Variants in TAFA1 observed in about 807,000 individuals in gnomAD.
The protein encoded by TAFA1 is chemokine-like protein TAFA-1.
In TAFA1, 4 loss-of-function variants were observed where a neutral mutation model predicts 18.5. The ratio of observed to expected loss-of-function variants is 0.22; its 90% CI spans 0.11 to 0.49. The LOEUF (loss-of-function observed/expected upper bound fraction) is 0.49. Ranked by LOEUF, TAFA1 falls within the 20% of genes least tolerant of loss-of-function variation. The pLI, the probability that TAFA1 is intolerant of heterozygous loss-of-function variation, is 0.98. For synonymous variants in TAFA1, 56 were observed against 55.2 expected (o/e 1.01, Z -0.06); for missense variants, 147 against 169.0 (o/e 0.87, Z 0.72).
chr3:68,174,949 G>A (rs1348532165), intron 2 of TAFA1, among the ~76,000 whole-genome samples: 1 of 152,210 alleles, frequency 6.6e-6, no homozygotes, highest in East Asian at 1.9e-4. Flanking sequence ...GCTGTGTGCA[G>A]CCTAGGGACT....
intron 2 of TAFA1, among the ~76,000 whole-genome samples, chr3:68,013,067 G>T (rs1471735314): frequency 6.6e-6 from 1 of 151,888 alleles, no homozygotes; most frequent in East Asian, 1.9e-4. Context: ...CAGATTACAT[G>T]CATTGAGAAG....
In TAFA1 at chr3:68,415,771, T is replaced by C. The variant is rs528109831; in HGVS notation, c.119-1509T>C. 8.1e-4 allele frequency among the ~76,000 whole-genome samples: 124 copies of C among 152,246 alleles called. 1 individual carries two copies. The highest frequency in any genetic ancestry group is 7.1e-3 in the South Asian group (34 of 4,822). ...ACACAACCCTGTGATACAGGTGTTATTATTATTCCCATTTTACAGATGAGG... is the reference window on the plus strand; with the variant it reads ...ACACAACCCTGTGATACAGGTGTTACTATTATTCCCATTTTACAGATGAGG... On this transcript the variant is annotated intron_variant, in intron 2 of 4. Coordinates refer to ENST00000478136, the MANE Select transcript of TAFA1 (RefSeq NM_213609.4).
chr3:68,399,496 TC>T lies in TAFA1; in HGVS notation c.119-17783del, dbSNP rs148868747. Among the ~76,000 whole-genome samples, 359 of 152,290 alleles carry T rather than the reference TC, an allele frequency of 2.4e-3. 5 individuals carry two copies. Among genetic ancestry groups the T allele is most frequent in the African/African-American group, 8.3e-3 (344 of 41,574 alleles). ...ATGGTGAGTTATTTGGACTTCACCT[TC>T]AGTAGAAGTCTCAGAAAATCTGTAT... On this transcript the variant is annotated intron_variant, in intron 2 of 4. Transcript: ENST00000478136.
At chr3:68,246,416 C>T (rs2067077713) in intron 2 of TAFA1, among the ~76,000 whole-genome samples, 1 of 151,282 alleles carries the variant, frequency 6.6e-6, no homozygotes, top group Non-Finnish European at 1.5e-5. Context: ...CGGTGAAACC[C>T]CGTCTCTACT....
intron 2 of TAFA1, among the ~76,000 whole-genome samples, chr3:68,365,567 A>T (rs6769848): frequency 0.11 from 17,182 of 152,196 alleles, 1,177 homozygotes; most frequent in East Asian, 0.23. Context: ...GATGTGAGTT[A>T]CTATGTAGGA....
intron 2 of TAFA1, among the ~76,000 whole-genome samples, chr3:68,393,785 C>T (rs1365353648): frequency 6.6e-6 from 1 of 151,820 alleles, no homozygotes; most frequent in Non-Finnish European, 1.5e-5. Context: ...TCAATAGATG[C>T]AAAAAAGGCC....
intron 2 of TAFA1, among the ~76,000 whole-genome samples, chr3:68,382,093 G>A (rs1346037858): frequency 6.6e-6 from 1 of 152,144 alleles, no homozygotes; most frequent in Non-Finnish European, 1.5e-5. Flanking sequence ...ATTGATTTGT[G>A]TGTGTTGAAC....
At chr3:68,516,779 CCTT>C (rs1236767931) in intron 3 of TAFA1, among the ~76,000 whole-genome samples, 1 of 151,940 alleles carries the variant, frequency 6.6e-6, no homozygotes, top group African/African-American at 2.4e-5. Flanking sequence ...ATAAATTGTT[CCTT>C]CTTTTTTTTT....
chr3:68,108,479 T>A (rs73834829), intron 2 of TAFA1, among the ~76,000 whole-genome samples: 1 of 147,940 alleles, frequency 6.8e-6, no homozygotes, highest in African/African-American at 2.5e-5. Flanking sequence ...TGTGTGTGTA[T>A]AAAGTAGTGA....
intron 2 of TAFA1, among the ~76,000 whole-genome samples, chr3:68,409,749 T>C (rs1413442539): frequency 6.6e-6 from 1 of 152,152 alleles, no homozygotes; most frequent in East Asian, 1.9e-4. Context: ...CCCATAGGTG[T>C]CCATTCAAAA....
chr3:68,526,587 A>G (rs1286461396), intron 3 of TAFA1, among the ~76,000 whole-genome samples: 1 of 152,178 alleles, frequency 6.6e-6, no homozygotes, highest in Non-Finnish European at 1.5e-5. Flanking sequence ...AGGAAAGAGT[A>G]CTTAACTGAC....
intron 2 of TAFA1, among the ~76,000 whole-genome samples, chr3:68,356,613 T>C (rs537494421): frequency 1.3e-5 from 2 of 151,846 alleles, no homozygotes; most frequent in Non-Finnish European, 2.9e-5. Flanking sequence ...CCCGCCACCA[T>C]CCTGTGAGAT....
intron 2 of TAFA1, among the ~76,000 whole-genome samples, chr3:68,161,741 G>A (rs983794764): frequency 2.6e-5 from 4 of 152,108 alleles, no homozygotes; most frequent in Admixed American, 6.6e-5. Context: ...ATTATTTTGA[G>A]TTCATATTTT....
intron 2 of TAFA1, among the ~76,000 whole-genome samples, chr3:68,125,264 G>A (rs1034770740): frequency 3.9e-5 from 6 of 152,156 alleles, no homozygotes; most frequent in African/African-American, 4.8e-5. Context: ...TGGTACTTAC[G>A]TTACTGAATT....
chr3:68,281,569 A>G (rs1016579486), intron 2 of TAFA1, among the ~76,000 whole-genome samples: 2 of 150,486 alleles, frequency 1.3e-5, no homozygotes, highest in Non-Finnish European at 1.5e-5. Flanking sequence ...TCCCAGGTTC[A>G]AGTGATTCTC....
At chr3:68,115,812 C>A (rs1265386838) in intron 2 of TAFA1, among the ~76,000 whole-genome samples, 2 of 152,186 alleles carry the variant, frequency 1.3e-5, no homozygotes, top group Admixed American at 1.3e-4. Context: ...TAATTCAAAG[C>A]CTGCTCAATG....
chr3:68,009,329 CTT>C (rs2106773643), intron 2 of TAFA1, among the ~76,000 whole-genome samples: 1 of 152,238 alleles, frequency 6.6e-6, no homozygotes, highest in South Asian at 2.1e-4. Context: ...AAACTTATGT[CTT>C]TATAGGGCTT....
At chr3:68,051,133 C>T (rs978114674) in intron 2 of TAFA1, among the ~76,000 whole-genome samples, 1 of 152,018 alleles carries the variant, frequency 6.6e-6, no homozygotes, top group East Asian at 1.9e-4. Flanking sequence ...GATAAATATA[C>T]CTGGCTCGTA....
intron 2 of TAFA1, among the ~76,000 whole-genome samples, chr3:68,280,853 C>A (rs900431901): frequency 6.6e-6 from 1 of 152,092 alleles, no homozygotes; most frequent in African/African-American, 2.4e-5. Flanking sequence ...CAGATAAGTT[C>A]AGATCTTGGT....
Sources: gnomAD v4.1 joint callset for allele counts (sites outside exome capture counted in the v4.1 genomes callset) on GRCh38, gnomAD v4.1.1 for gene constraint, MANE v1.5 for transcripts, NCBI Gene and HGNC (gene_info 2026-07-23, HGNC 2026-07-21) for gene names.